PDE10A: variants seen among roughly 807,000 people sequenced by gnomAD.
PDE10A encodes cAMP and cAMP-inhibited cGMP 3',5'-cyclic phosphodiesterase 10A.
PDE10A carries 39 observed loss-of-function variants against 97.7 expected under a neutral mutation model. The ratio of observed to expected loss-of-function variants is 0.40; its 90% CI spans 0.31 to 0.52. PDE10A has a LOEUF of 0.52. Ranked by LOEUF, PDE10A falls within the 20% of genes least tolerant of loss-of-function variation. PDE10A has a pLI of 0.56. For synonymous variants in PDE10A, 371 were observed against 376.8 expected (o/e 0.98, Z 0.18); for missense variants, 731 against 1,047.8 (o/e 0.70, Z 4.17).
At chr6:165,495,309 G>C (rs1583405198) in intron 2 of PDE10A, among the ~76,000 whole-genome samples, 1 of 151,948 alleles carries the variant, frequency 6.6e-6, no homozygotes, top group Non-Finnish European at 1.5e-5. Context: ...AGACAGAGGG[G>C]AGACAGGAGG....
chr6:165,762,987 C>A (rs1793288406), intron 1 of PDE10A, among the ~76,000 whole-genome samples: 2 of 152,088 alleles, frequency 1.3e-5, no homozygotes, highest in African/African-American at 4.8e-5. Flanking sequence ...AGCCCTGGAA[C>A]AAGGAAAAAG....
intron 15 of PDE10A, among the ~76,000 whole-genome samples, chr6:165,393,029 C>T (rs13198822): frequency 0.3 from 45,069 of 152,010 alleles, 7,492 homozygotes; most frequent in Middle Eastern, 0.38. Context: ...TGTTGTGATA[C>T]AGTAACTGTC....
intron 1 of PDE10A, among the ~76,000 whole-genome samples, chr6:165,795,182 C>T (rs1012037457): frequency 2.6e-5 from 4 of 152,318 alleles, no homozygotes; most frequent in East Asian, 1.9e-4. Flanking sequence ...CAAGCATCAC[C>T]TCTGGAGGGA....
intron 1 of PDE10A, among the ~76,000 whole-genome samples, chr6:165,950,480 A>G (rs1297469432): frequency 2.0e-5 from 3 of 152,232 alleles, no homozygotes; most frequent in Middle Eastern, 6.8e-3. Context: ...AGAGTGATGC[A>G]CCTGTTCCCT....
At chr6:165,777,904 T>A (rs1190807076) in intron 1 of PDE10A, among the ~76,000 whole-genome samples, 1 of 152,056 alleles carries the variant, frequency 6.6e-6, no homozygotes, top group Non-Finnish European at 1.5e-5. Context: ...AGGGCCTCCA[T>A]CACTGAAATT....
At chr6:165,981,815 C>A (rs541301408) in intron 1 of PDE10A, among the ~76,000 whole-genome samples, 2 of 152,162 alleles carry the variant, frequency 1.3e-5, no homozygotes, top group South Asian at 4.2e-4. Context: ...TTTTTAATAT[C>A]AATGATGTAA....
intron 10 of PDE10A, among the ~76,000 whole-genome samples, chr6:165,427,762 TA>T (rs1449042222): frequency 2.0e-5 from 3 of 151,980 alleles, no homozygotes; most frequent in Admixed American, 6.6e-5. Context: ...ATTATAACTT[TA>T]TATTTTTCTT....
chr6:165,987,673 G>A (rs1439014410), exon 1 of PDE10A: 2 of 456,768 alleles, frequency 4.4e-6, no homozygotes, highest in Non-Finnish European at 8.8e-6. Context: ...GGAGAACTGC[G>A]CAAAGCAAGT....
At chr6:165,610,240 C>T in intron 1 of PDE10A, among the ~76,000 whole-genome samples, 1 of 152,130 alleles carries the variant, frequency 6.6e-6, no homozygotes, top group Non-Finnish European at 1.5e-5. Context: ...ACAAACCTGA[C>T]AAAAACAAGA....
chr6:165,349,776 C>T (rs988588127), intron 18 of PDE10A, among the ~76,000 whole-genome samples: 1 of 152,202 alleles, frequency 6.6e-6, no homozygotes, highest in African/African-American at 2.4e-5. Context: ...GCTGCTTCAA[C>T]TCCAGTGGTG....
chr6:165,660,095 A>G (rs1270307773), intron 1 of PDE10A: 1 of 152,414 alleles, frequency 6.6e-6, no homozygotes, highest in Admixed American at 6.5e-5. Context: ...TATTTTCTTA[A>G]GAAAGAATTC....
upstream of PDE10A, among the ~76,000 whole-genome samples, chr6:165,664,108 C>T (rs189886408): frequency 1.1e-3 from 169 of 152,260 alleles, no homozygotes; most frequent in Middle Eastern, 3.4e-3. Flanking sequence ...AGGTCACCTT[C>T]CCCGGAGTGG....
intron 1 of PDE10A, among the ~76,000 whole-genome samples, chr6:165,621,771 A>AGAAG (rs1554297070): frequency 7.4e-6 from 1 of 134,688 alleles, no homozygotes; most frequent in African/African-American, 2.7e-5. Context: ...AAGAAAAAAA[A>AGAAG]AAGAAGAAGA....
chr6:165,435,397 T>A lies in PDE10A; in HGVS notation c.1195-20A>T, dbSNP rs913103496. ...CAGGCTCTAGGGAGAAGAAAAGATG[T>A]TTTACAGACTTTCCTGTACATGTGC... On this transcript the variant is annotated intron_variant, in intron 5 of 21. Coordinates refer to ENST00000539869, the MANE Select transcript of PDE10A (RefSeq NM_001385079.1). 5.6e-6 allele frequency: 9 copies of A among 1,607,580 alleles called. No homozygotes were observed. Among genetic ancestry groups the A allele is most frequent in the Non-Finnish European group, 7.6e-6 (9 of 1,176,942 alleles).
intron 1 of PDE10A, among the ~76,000 whole-genome samples, chr6:165,642,582 A>G (rs1789188307): frequency 6.6e-6 from 1 of 152,230 alleles, no homozygotes; most frequent in South Asian, 2.1e-4. Flanking sequence ...TTGGAAGTTG[A>G]AAGACTAGCC....
At chr6:165,799,069 G>A (rs958018346) in intron 1 of PDE10A, among the ~76,000 whole-genome samples, 1 of 152,162 alleles carries the variant, frequency 6.6e-6, no homozygotes, top group East Asian at 1.9e-4. Context: ...GATAAAAATT[G>A]AAGACAACAG....
chr6:165,785,517 G>T (rs1778468262), intron 1 of PDE10A, among the ~76,000 whole-genome samples: 1 of 152,128 alleles, frequency 6.6e-6, no homozygotes. Context: ...TACTATTATT[G>T]TTGTTGTTAT....
chr6:165,937,248 G>A (rs1027424512), intron 1 of PDE10A, among the ~76,000 whole-genome samples: 8 of 152,158 alleles, frequency 5.3e-5, no homozygotes, highest in African/African-American at 1.9e-4. Flanking sequence ...GGGTTCATGT[G>A]GCACCTACTT....
At chr6:165,398,087 T>C (rs1019754224) in intron 13 of PDE10A, among the ~76,000 whole-genome samples, 12 of 152,234 alleles carry the variant, frequency 7.9e-5, no homozygotes, top group Non-Finnish European at 1.6e-4. Flanking sequence ...TCAAATGCTT[T>C]ATTTAATACT....
Sources: allele counts gnomAD v4.1 joint callset (sites outside exome capture counted in the v4.1 genomes callset), GRCh38; gene constraint gnomAD v4.1.1; transcripts MANE v1.5; gene names NCBI Gene and HGNC (gene_info 2026-07-23, HGNC 2026-07-21).